The following KCNAB1 variants were observed in gnomAD, a reference collection of about 807,000 sequenced individuals.
KCNAB1 encodes potassium voltage-gated channel subfamily A regulatory beta subunit 1.
A neutral mutation model predicts 64.6 loss-of-function variants in KCNAB1; 35 were observed. That is an observed-to-expected ratio of 0.54 (90% confidence interval 0.41 to 0.72). KCNAB1 has a LOEUF of 0.72. Among genes scored for constraint, KCNAB1 ranks in the 30% least tolerant of loss-of-function variants. The probability of loss-of-function intolerance (pLI) is 0.00; values close to 1 mark genes in which losing one functional copy is unlikely to be tolerated. For synonymous variants in KCNAB1, 177 were observed against 183.8 expected (o/e 0.96, Z 0.30); for missense variants, 401 against 512.9 (o/e 0.78, Z 2.11).
intron 1 of KCNAB1, among the ~76,000 whole-genome samples, chr3:156,274,568 G>A (rs1560169215): frequency 6.6e-6 from 1 of 151,890 alleles, no homozygotes; most frequent in Non-Finnish European, 1.5e-5. Flanking sequence ...AGATTTGAAG[G>A]TTTTAAATAA....
intron 2 of KCNAB1, among the ~76,000 whole-genome samples, chr3:156,445,345 G>A (rs987579841): frequency 6.6e-6 from 1 of 152,052 alleles, no homozygotes; most frequent in Non-Finnish European, 1.5e-5. Context: ...AGATGCTACC[G>A]GTATGAGAAG....
intron 1 of KCNAB1, among the ~76,000 whole-genome samples, chr3:156,132,003 C>T (rs1410622376): frequency 1.3e-5 from 2 of 152,154 alleles, no homozygotes; most frequent in African/African-American, 4.8e-5. Context: ...TGACCACATT[C>T]AACTGCAAAG....
intron 1 of KCNAB1, among the ~76,000 whole-genome samples, chr3:156,307,532 G>A (rs1721584779): frequency 6.6e-6 from 1 of 152,114 alleles, no homozygotes; most frequent in South Asian, 2.1e-4. Context: ...GTTGAGTTTG[G>A]TAGTGCAGGG....
At chr3:156,192,745 A>G (rs1713635754) in intron 1 of KCNAB1, among the ~76,000 whole-genome samples, 1 of 152,120 alleles carries the variant, frequency 6.6e-6, no homozygotes, top group African/African-American at 2.4e-5. Flanking sequence ...ATGAGCTTCT[A>G]TAACCCTAGT....
At chr3:156,516,090 A>G (rs1717538608) in intron 10 of KCNAB1, among the ~76,000 whole-genome samples, 180 bp from the exon 11 acceptor site, 2 of 152,214 alleles carry the variant, frequency 1.3e-5, no homozygotes, top group South Asian at 4.1e-4. Flanking sequence ...TAAAGAATGA[A>G]ACACAATTTG....
intron 1 of KCNAB1, among the ~76,000 whole-genome samples, chr3:156,340,559 C>T (rs1724035411): frequency 1.3e-5 from 2 of 152,196 alleles, no homozygotes; most frequent in African/African-American, 4.8e-5. Flanking sequence ...GACCATCACC[C>T]ATCCTTCCTA....
chr3:156,367,276 C>T (rs533471542), intron 1 of KCNAB1, among the ~76,000 whole-genome samples: 4 of 151,082 alleles, frequency 2.6e-5, no homozygotes, highest in African/African-American at 4.9e-5. Context: ...CCTGGGTTCA[C>T]GCCATTCTCC....
At chr3:156,363,636 C>T (rs753206999) in intron 1 of KCNAB1, among the ~76,000 whole-genome samples, 11 of 152,068 alleles carry the variant, frequency 7.2e-5, no homozygotes, top group Non-Finnish European at 1.5e-4. Context: ...CCACCACACC[C>T]GGCTAATTTT....
At chr3:156,520,777 T>G (rs1717893832) in intron 11 of KCNAB1, among the ~76,000 whole-genome samples, 1 of 152,206 alleles carries the variant, frequency 6.6e-6, no homozygotes, top group African/African-American at 2.4e-5. Flanking sequence ...GATCTCAACC[T>G]CATTAGTGAC....
chr3:156,172,387 C>T (rs937204242), intron 1 of KCNAB1, among the ~76,000 whole-genome samples: 1 of 150,988 alleles, frequency 6.6e-6, no homozygotes, highest in African/African-American at 2.4e-5. Flanking sequence ...TCAAGCAATT[C>T]TCGTGCCTCA....
At chr3:156,336,353 C>T (rs571056457) in intron 1 of KCNAB1, among the ~76,000 whole-genome samples, 1 of 147,388 alleles carries the variant, frequency 6.8e-6, no homozygotes, top group East Asian at 2.0e-4. Context: ...CAGAGTGAGA[C>T]TCTGTAAAAC....
chr3:156,139,790 C>T (rs1714602539), intron 1 of KCNAB1, among the ~76,000 whole-genome samples: 1 of 152,036 alleles, frequency 6.6e-6, no homozygotes, highest in African/African-American at 2.4e-5. Context: ...GTGCACAAAG[C>T]ATCATTCTGA....
intron 1 of KCNAB1, among the ~76,000 whole-genome samples, chr3:156,372,036 C>A (rs1726338635): frequency 6.6e-6 from 1 of 152,064 alleles, no homozygotes; most frequent in Non-Finnish European, 1.5e-5. Flanking sequence ...ACCACATGTG[C>A]AGTTACAGAT....
At chr3:156,438,422 A>G (rs1716742723) in intron 2 of KCNAB1, among the ~76,000 whole-genome samples, 1 of 152,248 alleles carries the variant, frequency 6.6e-6, no homozygotes, top group Admixed American at 6.5e-5. Flanking sequence ...TCTATTCATC[A>G]TTCTTCATGT....
intron 1 of KCNAB1, among the ~76,000 whole-genome samples, chr3:156,379,074 A>T (rs866037929): frequency 7.9e-5 from 12 of 151,986 alleles, no homozygotes; most frequent in African/African-American, 2.9e-4. Context: ...TTTGAGGGGG[A>T]TTTGCTGATT....
intron 1 of KCNAB1, among the ~76,000 whole-genome samples, chr3:156,269,319 C>T (rs7641186): frequency 0.15 from 22,722 of 152,112 alleles, 1,878 homozygotes; most frequent in Non-Finnish European, 0.17. Flanking sequence ...TTGTTGTTGA[C>T]TTCTAGCCTT....
At chr3:156,280,126 TC>T (rs1719607441) in intron 1 of KCNAB1, among the ~76,000 whole-genome samples, 1 of 148,492 alleles carries the variant, frequency 6.7e-6, no homozygotes, top group African/African-American at 2.5e-5. Context: ...CTTTAATCCA[TC>T]TTGAATTGAT....
At chr3:156,119,418 A>G (rs1418592314), upstream of KCNAB1, among the ~76,000 whole-genome samples, 1 of 152,224 alleles carries the variant, frequency 6.6e-6, no homozygotes, top group African/African-American at 2.4e-5. Flanking sequence ...AGACTTTCCA[A>G]AAGAGCTAAC....
intron 3 of KCNAB1, 133 bp from the exon 4 acceptor site, chr3:156,457,320 C>G: frequency 6.7e-7 from 1 of 1,491,626 alleles, no homozygotes; most frequent in Non-Finnish European, 8.9e-7. Context: ...CTTTCCCTCT[C>G]CACTAAAACT....
Sources: allele counts gnomAD v4.1 joint callset (sites outside exome capture counted in the v4.1 genomes callset), GRCh38; gene constraint gnomAD v4.1.1; transcripts MANE v1.5; gene names NCBI Gene and HGNC (gene_info 2026-07-23, HGNC 2026-07-21).